The following CUX2 variants were observed in gnomAD, a reference collection of about 807,000 sequenced individuals.
The protein encoded by CUX2 is homeobox protein cut-like 2.
CUX2 carries 40 observed loss-of-function variants against 144.8 expected under a neutral mutation model. The ratio of observed to expected loss-of-function variants is 0.28; its 90% CI spans 0.21 to 0.36. The LOEUF (loss-of-function observed/expected upper bound fraction) is 0.36. CUX2 is among the 10% of genes least tolerant of loss of function. The pLI, the probability that CUX2 is intolerant of heterozygous loss-of-function variation, is 1.00. For synonymous variants in CUX2, 827 were observed against 875.6 expected (o/e 0.94, Z 0.98); for missense variants, 1,615 against 1,994.0 (o/e 0.81, Z 3.62).
chr12:111,209,781 C>T (rs1034573947), intron 1 of CUX2, among the ~76,000 whole-genome samples: 2 of 152,198 alleles, frequency 1.3e-5, no homozygotes, highest in South Asian at 2.1e-4. Context: ...CTGCAGCACC[C>T]GGTCCCGGGT....
chr12:111,105,487 G>C (rs892174476), intron 1 of CUX2, among the ~76,000 whole-genome samples: 7 of 149,784 alleles, frequency 4.7e-5, no homozygotes, highest in South Asian at 2.1e-4. Context: ...GGAAAGCTCT[G>C]TGTGTGTGTG....
intron 7 of CUX2, among the ~76,000 whole-genome samples, chr12:111,296,225 G>A (rs910561395): frequency 5.9e-5 from 9 of 152,028 alleles, no homozygotes; most frequent in Non-Finnish European, 1.2e-4. Context: ...TAGGCCCATG[G>A]AGAGACCTCA....
chr12:111,323,090 GA>G (rs1887612268), intron 18 of CUX2, among the ~76,000 whole-genome samples: 7 of 152,214 alleles, frequency 4.6e-5, no homozygotes, highest in Admixed American at 2.0e-4. Flanking sequence ...CCAGAGTCCG[GA>G]AGTGCTAGGG....
chr12:111,141,210 A>T (rs1876290820), intron 1 of CUX2, among the ~76,000 whole-genome samples: 1 of 150,830 alleles, frequency 6.6e-6, no homozygotes, highest in South Asian at 2.1e-4. Flanking sequence ...CAAATTAGGG[A>T]CTCAGGGGCT....
chr12:111,267,421 C>T (rs982829540), intron 4 of CUX2, among the ~76,000 whole-genome samples: 3 of 152,114 alleles, frequency 2.0e-5, no homozygotes, highest in South Asian at 2.1e-4. Flanking sequence ...CCAAGCAACT[C>T]GCTTCTCTGT....
chr12:111,088,912 G>GAGTC (rs1171937752), intron 1 of CUX2, among the ~76,000 whole-genome samples: 1 of 152,150 alleles, frequency 6.6e-6, no homozygotes, highest in Non-Finnish European at 1.5e-5. Context: ...AGGCGGTGGA[G>GAGTC]AGTCATCTTG....
intron 16 of CUX2, among the ~76,000 whole-genome samples, chr12:111,318,251 T>C (rs1887299289): frequency 6.7e-6 from 1 of 148,822 alleles, no homozygotes; most frequent in Middle Eastern, 3.4e-3. Flanking sequence ...TTTTCTTTTT[T>C]TTTTTTTTTT....
At chr12:111,299,561 G>T (rs556228262) in intron 9 of CUX2, among the ~76,000 whole-genome samples, 1 of 152,314 alleles carries the variant, frequency 6.6e-6, no homozygotes, top group Non-Finnish European at 1.5e-5. Flanking sequence ...CCCTAGGAGG[G>T]TCGGGAAGGC....
At chr12:111,193,907 T>C (rs1338257837) in intron 1 of CUX2, among the ~76,000 whole-genome samples, 1 of 151,776 alleles carries the variant, frequency 6.6e-6, no homozygotes, top group Non-Finnish European at 1.5e-5. Flanking sequence ...TGTCCCAGGA[T>C]GGAGCAGACA....
chr12:111,158,900 G>C (rs1385441103), intron 1 of CUX2, among the ~76,000 whole-genome samples: 1 of 152,202 alleles, frequency 6.6e-6, no homozygotes, highest in Non-Finnish European at 1.5e-5. Context: ...AACAGCAGCA[G>C]TGTGGCCTTG....
intron 4 of CUX2, among the ~76,000 whole-genome samples, chr12:111,285,971 G>T (rs1218352510): frequency 1.3e-5 from 2 of 152,200 alleles, no homozygotes; most frequent in Non-Finnish European, 2.9e-5. Context: ...ACTGTGTCCT[G>T]GGGTGGAAGG....
chr12:111,276,449 G>A (rs1456924089), intron 4 of CUX2, among the ~76,000 whole-genome samples: 1 of 152,138 alleles, frequency 6.6e-6, no homozygotes, highest in African/African-American at 2.4e-5. Flanking sequence ...AGTTATAAAG[G>A]GAATACACCA....
intron 1 of CUX2, among the ~76,000 whole-genome samples, chr12:111,147,967 C>T (rs1876803328): frequency 6.6e-6 from 1 of 152,176 alleles, no homozygotes; most frequent in Non-Finnish European, 1.5e-5. Context: ...GCTGCAGCCA[C>T]TATGGGAGAC....
chr12:111,097,143 GT>G (rs1872866668), intron 1 of CUX2, among the ~76,000 whole-genome samples: 1 of 152,206 alleles, frequency 6.6e-6, no homozygotes, highest in South Asian at 2.1e-4. Flanking sequence ...CATCCTTCCT[GT>G]TCCCTTCTCA....
chr12:111,309,097 G>T (rs968875699), intron 14 of CUX2, among the ~76,000 whole-genome samples: 1 of 152,098 alleles, frequency 6.6e-6, no homozygotes, highest in Non-Finnish European at 1.5e-5. Flanking sequence ...CAGAGATGGG[G>T]TTTCATCACA....
intron 3 of CUX2, among the ~76,000 whole-genome samples, chr12:111,261,455 C>G (rs544942660): frequency 3.3e-5 from 5 of 151,462 alleles, no homozygotes; most frequent in Admixed American, 2.0e-4. Context: ...TGCACCTCCT[C>G]CTGTGCATTT....
rs1879000507 is a variant in CUX2 at position 111,178,820 on chromosome 12, T to C, written c.64-35380T>C. 6.6e-6 allele frequency among the ~76,000 whole-genome samples: 1 copy of C among 152,052 alleles called. No individual in the cohort carries two copies. The highest frequency in any genetic ancestry group is 1.5e-5 in the Non-Finnish European group (1 of 68,008). On this transcript the variant is annotated intron_variant, in intron 1 of 21. Transcript: ENST00000261726. This position sits in a 1 kb window ranked among gnomAD's most constrained non-coding sequence, Gnocchi z 5.7. ...CGCAGGGGCCGTGGGGGCTTGGGGA[T>C]GTCCTGTGGTGGTGATATCCCAGGG...
In CUX2 at chr12:111,307,220, G is replaced by A. The variant is rs1345403084; in HGVS notation, c.1072G>A (p.Ala358Thr). The A allele has an allele frequency of 6.2e-7, 1 of 1,614,186 alleles. No individual in the cohort carries two copies. The highest frequency in any genetic ancestry group is 8.5e-7 in the Non-Finnish European group (1 of 1,180,038). ...CTAGAAGCTGGAAGAGAAGCTCCAGGCCCAGTCTGACTATGAGGAAATTAA... is the reference window on the plus strand; with the variant it reads ...CTAGAAGCTGGAAGAGAAGCTCCAGACCCAGTCTGACTATGAGGAAATTAA... ...AIEKLEEKLQ[A>T]QSDYEEIKTE... Residue 358 changes from alanine to threonine, a missense_variant, in exon 12 of 22, where the codon GCC becomes ACC. Ala to Thr is a moderately conservative substitution (Grantham distance 58, BLOSUM62 0). Coordinates refer to ENST00000261726, the MANE Select transcript of CUX2 (RefSeq NM_015267.4). This position sits in a 1 kb window ranked among gnomAD's most constrained non-coding sequence, Gnocchi z 4.1.
At chr12:111,319,303 A>G (rs368886653) in intron 16 of CUX2, among the ~76,000 whole-genome samples, 46 of 151,954 alleles carry the variant, frequency 3.0e-4, no homozygotes, top group African/African-American at 1.1e-3. Context: ...AGGAAGGAAG[A>G]AAGGGAAGGG....
Sources: gnomAD v4.1 joint callset for allele counts (sites outside exome capture counted in the v4.1 genomes callset) on GRCh38, gnomAD v4.1.1 for gene constraint, Gnocchi (gnomAD v3.1) non-coding constraint, MANE v1.5 for transcripts, NCBI Gene and HGNC (gene_info 2026-07-23, HGNC 2026-07-21) for gene names.